The following DTWD2 variants were observed in gnomAD, a reference collection of about 807,000 sequenced individuals.
The protein encoded by DTWD2 is DTW motif tRNA-uridine aminocarboxypropyltransferase 2, also known as tRNA-uridine aminocarboxypropyltransferase 2.
In DTWD2, 39 loss-of-function variants were observed where a neutral mutation model predicts 31.8. That is an observed-to-expected ratio of 1.22 (90% CI 0.95 to 1.60). DTWD2 has a LOEUF of 1.60. DTWD2 is among the 40% of genes most tolerant of loss of function. The probability of loss-of-function intolerance (pLI) is 0.00; values close to 1 mark genes in which losing one functional copy is unlikely to be tolerated. For synonymous variants in DTWD2, 180 were observed against 142.8 expected (o/e 1.26, Z -1.86); for missense variants, 515 against 381.5 (o/e 1.35, Z -2.92).
In DTWD2 at chr5:118,949,811, C is replaced by T. The variant is rs185457451; in HGVS notation, c.219-5162G>A. On this transcript the variant is annotated intron_variant, in intron 1 of 5. Transcript: ENST00000510708. ...GGAAAAGGGCGGCAATGAGTTGTGGCTGTAGCCTAGGAATAGTCAGGAAAG... is the reference window on the plus strand; with the variant it reads ...GGAAAAGGGCGGCAATGAGTTGTGGTTGTAGCCTAGGAATAGTCAGGAAAG... Among the ~76,000 whole-genome samples, 17 of 152,212 alleles carry T rather than the reference C, an allele frequency of 1.1e-4. No individual in the cohort carries two copies. The Middle Eastern group carries it at 0.014, about 122-fold the overall frequency.
At chr5:118,855,221 T>G (rs1752103385) in intron 4 of DTWD2, among the ~76,000 whole-genome samples, 1 of 145,222 alleles carries the variant, frequency 6.9e-6, no homozygotes, top group African/African-American at 2.5e-5. Flanking sequence ...TGTAAATATG[T>G]AATTACAAGA....
In DTWD2 at chr5:118,988,299, G is replaced by C. The variant is rs779643737; in HGVS notation, c.213C>G (p.Arg71=). Residue 71 remains arginine, a synonymous_variant, in exon 1 of 6, where the codon CGC becomes CGG. Coordinates refer to ENST00000510708, the MANE Select transcript of DTWD2 (RefSeq NM_173666.4). The part of the protein sequence containing the change: ...EPAERRPECT[R]CSRPQKVCLC... ...GCCCCCAGCCCCGCGGTCACCTGCAGCGGGTGCACTCAGGCCTCCGCTCGG... is the reference window on the plus strand; with the variant it reads ...GCCCCCAGCCCCGCGGTCACCTGCACCGGGTGCACTCAGGCCTCCGCTCGG... 2.1e-5 allele frequency: 32 copies of C among 1,523,838 alleles called. No homozygotes were observed. Among genetic ancestry groups the C allele is most frequent in the Non-Finnish European group, 2.7e-5 (31 of 1,140,136 alleles). The allele number at this position is 1,523,838 out of a possible 1,614,324, so 94.4% of individuals were successfully genotyped here.
chr5:118,946,509 A>G (rs1051071966), intron 1 of DTWD2, among the ~76,000 whole-genome samples: 4 of 152,220 alleles, frequency 2.6e-5, no homozygotes, highest in South Asian at 4.1e-4. Flanking sequence ...TAAGTTAATC[A>G]AAACCAAAAA....
intron 2 of DTWD2, among the ~76,000 whole-genome samples, chr5:118,939,766 G>C (rs1400835497): frequency 1.3e-5 from 2 of 151,950 alleles, no homozygotes; most frequent in African/African-American, 4.8e-5. Context: ...TTTTAAAAAA[G>C]AAAACAAAAC....
chr5:118,981,727 G>T (rs1281329636), intron 1 of DTWD2, among the ~76,000 whole-genome samples: 1 of 152,058 alleles, frequency 6.6e-6, no homozygotes, highest in Non-Finnish European at 1.5e-5. Flanking sequence ...GCCAGCAATA[G>T]AAATGAGAAT....
chr5:118,846,170 T>C (rs1751848179), intron 5 of DTWD2, among the ~76,000 whole-genome samples: 1 of 152,158 alleles, frequency 6.6e-6, no homozygotes, highest in Admixed American at 6.6e-5. Context: ...AATATAATGG[T>C]ATATTGATTT....
At chr5:118,894,305 C>T (rs1389074211) in intron 4 of DTWD2, among the ~76,000 whole-genome samples, 2 of 152,112 alleles carry the variant, frequency 1.3e-5, no homozygotes, top group African/African-American at 4.8e-5. Context: ...AATCCCAATC[C>T]AACTCCTAGC....
rs1168257355 is a variant in DTWD2, at chr5:118,837,626, A to C, written c.*3291T>G. ...AATATGTGATGAAGAAACTGAGTAA[A>C]TTATACAGAAGTGCTCTTCTATATA... On this transcript the variant is annotated 3_prime_UTR_variant, in exon 6 of 6. Transcript: ENST00000510708. 2 of 152,200 alleles carry C rather than the reference A, an allele frequency of 1.3e-5. No homozygotes were observed. Among genetic ancestry groups the C allele is most frequent in the African/African-American group, 4.8e-5 (2 of 41,448 alleles). 9.4% of individuals were successfully genotyped at this position (152,200 alleles called of 1,614,324 possible). A position where few individuals can be genotyped will look rare whatever the true frequency, so the allele number is the denominator to read the frequency against.
intron 4 of DTWD2, among the ~76,000 whole-genome samples, chr5:118,870,285 T>C (rs977716797): frequency 5.8e-4 from 88 of 152,348 alleles, no homozygotes; most frequent in African/African-American, 2.0e-3. Context: ...GCTTACATAA[T>C]AGTAACGAAC....
chr5:118,900,510 G>GA (rs1248368297), intron 4 of DTWD2, among the ~76,000 whole-genome samples: 3 of 151,966 alleles, frequency 2.0e-5, no homozygotes, highest in South Asian at 2.1e-4. Flanking sequence ...TCATTTTATA[G>GA]AAAAAAATGT....
intron 4 of DTWD2, among the ~76,000 whole-genome samples, chr5:118,852,305 T>A (rs1253794665): frequency 6.6e-6 from 1 of 152,162 alleles, no homozygotes; most frequent in Non-Finnish European, 1.5e-5. Flanking sequence ...AACGCAATCA[T>A]CACAGAGTCC....
intron 5 of DTWD2, among the ~76,000 whole-genome samples, chr5:118,846,456 G>C (rs1488699973): frequency 6.6e-6 from 1 of 152,096 alleles, no homozygotes; most frequent in African/African-American, 2.4e-5. Flanking sequence ...GAACCCAAAA[G>C]GGGAGAAAAG....
chr5:118,867,604 T>C (rs529859813), intron 4 of DTWD2, among the ~76,000 whole-genome samples: 4 of 152,166 alleles, frequency 2.6e-5, no homozygotes, highest in Non-Finnish European at 4.4e-5. Context: ...TGGAAGCATC[T>C]CAAAAAAATA....
intron 1 of DTWD2, among the ~76,000 whole-genome samples, chr5:118,960,628 G>C (rs1442942786): frequency 6.6e-6 from 1 of 152,068 alleles, no homozygotes; most frequent in African/African-American, 2.4e-5. Flanking sequence ...CCATGCACAT[G>C]TATGTTCAAT....
chr5:118,850,192 A>G (rs73236929), intron 4 of DTWD2, among the ~76,000 whole-genome samples: 16,422 of 150,606 alleles, frequency 0.11, 2,903 homozygotes, highest in African/African-American at 0.37. Context: ...GGCCAGGTGG[A>G]GTGGCTCACA....
chr5:118,988,448 T>G lies in DTWD2; in HGVS notation c.64A>C (p.Ser22Arg), dbSNP rs764005770. Residue 22 changes from serine to arginine, a missense_variant, in exon 1 of 6, where the codon AGC (serine) becomes CGC (arginine). Ser to Arg is a moderately radical substitution (Grantham distance 110). Coordinates refer to ENST00000510708, the MANE Select transcript of DTWD2 (RefSeq NM_173666.4). ...EPVARPSGASSSQTPNDKERR... is the reference protein window; with the variant it reads ...EPVARPSGASRSQTPNDKERR... ...TCCTTGTCGTTCGGCGTCTGAGAGC[T>G]TGAGGCCCCAGAAGGCCGCGCAACG... The G allele has an allele frequency of 1.2e-6, 2 of 1,606,728 alleles. No individual in the cohort carries two copies. Among genetic ancestry groups the G allele is most frequent in the Admixed American group, 1.7e-5 (1 of 59,648 alleles).
intron 2 of DTWD2, 128 bp downstream of exon 2, chr5:118,944,431 A>G (rs1340889350): frequency 2.2e-6 from 2 of 923,456 alleles, no homozygotes; most frequent in Non-Finnish European, 3.3e-6. Flanking sequence ...TTTCCAAAAG[A>G]GAAAGCATTT....
chr5:118,883,271 G>T (rs1418009851), intron 4 of DTWD2, among the ~76,000 whole-genome samples: 1 of 152,114 alleles, frequency 6.6e-6, no homozygotes. Context: ...CCTCAGCCTG[G>T]ACTTCATTGT....
chr5:118,869,349 G>A (rs1580776651), intron 4 of DTWD2, among the ~76,000 whole-genome samples: 2 of 152,148 alleles, frequency 1.3e-5, no homozygotes, highest in East Asian at 3.8e-4. Flanking sequence ...ACACAAAACT[G>A]CTAGAGAAAA....
Sources: allele counts gnomAD v4.1 joint callset (sites outside exome capture counted in the v4.1 genomes callset), GRCh38; gene constraint gnomAD v4.1.1; transcripts MANE v1.5; gene names NCBI Gene and HGNC (gene_info 2026-07-23, HGNC 2026-07-21).